The following RPS27A variants were observed in gnomAD, a reference collection of about 807,000 sequenced individuals.
The protein encoded by RPS27A is ribosomal protein S27a, also known as ubiquitin-ribosomal protein eS31 fusion protein.
RPS27A carries 1 observed loss-of-function variant against 18.9 expected under a neutral mutation model. The ratio of observed to expected loss-of-function variants is 0.05; its 90% CI spans 0.02 to 0.25. The LOEUF (loss-of-function observed/expected upper bound fraction) is 0.25, where lower values mean the gene tolerates loss of function less well. Among genes scored for constraint, RPS27A ranks in the 10% least tolerant of loss-of-function variants. The pLI is 1.00. For synonymous variants in RPS27A, 77 were observed against 63.7 expected, an observed-to-expected ratio of 1.21 and a Z score of -0.99; for missense variants, 123 against 187.4, an observed-to-expected ratio of 0.66 and a Z score of 2.01.
chr2:55,235,056 A>T, intron 5 of RPS27A, 94 bp downstream of exon 5: 2 of 1,350,864 alleles, frequency 1.5e-6, no homozygotes, highest in South Asian at 2.5e-5. Context: ...TTGGACTTAA[A>T]CACCCAATAT....
chr2:55,234,297 T>G, intron 4 of RPS27A, 93 bp downstream of exon 4: 2 of 894,180 alleles, frequency 2.2e-6, no homozygotes, highest in Non-Finnish European at 3.7e-6. Flanking sequence ...TCTGACTCTG[T>G]CACCTAGGGT....
At chr2:55,233,129 T>C (rs985828170) in intron 2 of RPS27A, 2 of 637,242 alleles carry the variant, frequency 3.1e-6, no homozygotes, top group African/African-American at 3.6e-5. Context: ...GGAGACGCTC[T>C]GCCCGCCGGG....
At chr2:55,234,771 T>C in intron 4 of RPS27A, 60 bp from the exon 5 acceptor site, 1 of 1,598,178 alleles carries the variant, frequency 6.3e-7, no homozygotes, top group African/African-American at 1.3e-5. Flanking sequence ...AAATGCATAA[T>C]GTTGGGTGTG....
At position 55,235,773 on chromosome 2, in the gene RPS27A, G is replaced by T. The variant is rs924640685; in HGVS notation, c.*196G>T. The T allele has an allele frequency of 1.6e-6, 1 of 628,416 alleles. No individual in the cohort carries two copies. Among genetic ancestry groups the T allele is most frequent in the Non-Finnish European group, 2.8e-6 (1 of 355,586 alleles). 38.9% of individuals were successfully genotyped at this position (628,416 alleles called of 1,614,324 possible). On this transcript the variant is annotated 3_prime_UTR_variant, in exon 6 of 6. Transcript: ENST00000272317. The stretch of plus-strand genomic sequence containing the variant: ...TATACCTGCCAGGTGCCAACCACTT[G>T]TAAAGGTCTTGATATTTTCAATTCT...
chr2:55,232,784 T>C, intron 1 of RPS27A, 24 bp from the exon 2 acceptor site: 1 of 1,590,132 alleles, frequency 6.3e-7, no homozygotes, highest in South Asian at 1.1e-5. Context: ...ACCTAACCTG[T>C]CTCTTCCTTT....
chr2:55,234,292 C>G, intron 4 of RPS27A, 88 bp downstream of exon 4: 1 of 922,220 alleles, frequency 1.1e-6, no homozygotes, highest in Non-Finnish European at 1.8e-6. Context: ...CAGGCTCTGA[C>G]TCTGTCACCT....
At chr2:55,232,969 C>G (rs1315727404) in intron 2 of RPS27A, 97 bp downstream of exon 2, 7 of 1,024,048 alleles carry the variant, frequency 6.8e-6, no homozygotes, top group Non-Finnish European at 1.5e-6. Flanking sequence ...GACCATGATT[C>G]CGAATTTGGG....
At chr2:55,234,770 A>G (rs889088902) in intron 4 of RPS27A, 61 bp from the exon 5 acceptor site, 5 of 1,597,084 alleles carry the variant, frequency 3.1e-6, no homozygotes, top group Non-Finnish European at 4.3e-6. Flanking sequence ...AAAATGCATA[A>G]TGTTGGGTGT....
chr2:55,235,255 T>G lies in RPS27A; in HGVS notation c.322-173T>G. 4.9e-6 allele frequency: 4 copies of G among 809,348 alleles called. No individual in the cohort carries two copies. In the South Asian group the frequency reaches 6.4e-5, roughly 13 times the overall value. 50.1% of individuals were successfully genotyped at this position (809,348 alleles called of 1,614,324 possible). A position where few individuals can be genotyped will look rare whatever the true frequency, so the allele number is the denominator to read the frequency against. ...TTTAGTGTTCAAAAGTCCCAAGACT[T>G]CTGAATGTTTTCATTGTAGCAATGA... On this transcript the variant is annotated intron_variant, in intron 5 of 5. Coordinates refer to ENST00000272317, the MANE Select transcript of RPS27A (RefSeq NM_002954.6).
In RPS27A at chr2:55,232,701, C is replaced by T; in HGVS notation, c.-25C>T. ...GCGGCGTTCTTCCTTTTCGATCCGC[C>T]ATCTGCGGTGGGTGTCTGCACTTCG... On this transcript the variant is annotated 5_prime_UTR_variant, in exon 1 of 6. Coordinates refer to ENST00000272317, the MANE Select transcript of RPS27A (RefSeq NM_002954.6). The T allele has an allele frequency of 3.5e-6, 3 of 866,656 alleles. No homozygotes were observed. Among genetic ancestry groups the T allele is most frequent in the South Asian group, 1.4e-5 (1 of 70,162 alleles). 53.7% of individuals were successfully genotyped at this position (866,656 alleles called of 1,614,324 possible).
chr2:55,233,029 A>T, intron 2 of RPS27A, 157 bp downstream of exon 2: 1 of 735,194 alleles, frequency 1.4e-6, no homozygotes, highest in South Asian at 1.5e-5. Flanking sequence ...GCAACGACCT[A>T]GAGGTGATTT....
At chr2:55,235,318 A>T in intron 5 of RPS27A, 110 bp from the exon 6 acceptor site, 1 of 1,238,460 alleles carries the variant, frequency 8.1e-7, no homozygotes, top group Non-Finnish European at 1.2e-6. Context: ...GTTTGTAAGC[A>T]CCAAAACCAC....
chr2:55,232,746 C>G lies in RPS27A; in HGVS notation c.-18+38C>G, dbSNP rs1052536998. ...ACTTCGGCTGCTCTCGGGTTAGCAC[C>G]CTATGGTGCCTTCTCTTGTGATCCC... On this transcript the variant is annotated intron_variant, in intron 1 of 5. Coordinates refer to ENST00000272317, the MANE Select transcript of RPS27A (RefSeq NM_002954.6). The G allele has an allele frequency of 3.8e-6, 5 of 1,331,388 alleles. No individual in the cohort carries two copies. In the African/African-American group the frequency reaches 5.7e-5, roughly 15 times the overall value. 82.5% of individuals were successfully genotyped at this position (1,331,388 alleles called of 1,614,324 possible).
In RPS27A at chr2:55,232,702, A is replaced by C; in HGVS notation, c.-24A>C. 1.1e-6 allele frequency: 1 copy of C among 880,426 alleles called. No homozygotes were observed. The highest frequency in any genetic ancestry group is 1.9e-6 in the Non-Finnish European group (1 of 535,954). The allele number at this position is 880,426 out of a possible 1,614,324, so 54.5% of individuals were successfully genotyped here. A position where few individuals can be genotyped will look rare whatever the true frequency, so the allele number is the denominator to read the frequency against. ...CGGCGTTCTTCCTTTTCGATCCGCC[A>C]TCTGCGGTGGGTGTCTGCACTTCGG... is the stretch of plus-strand genomic sequence containing the variant. On this transcript the variant is annotated 5_prime_UTR_variant, in exon 1 of 6. Transcript: ENST00000272317.
Position 55,235,622 on chromosome 2 carries a change from T to C in RPS27A, c.*45T>C, listed in dbSNP as rs1287878134. The stretch of plus-strand genomic sequence containing the variant: ...ACATGAACTAACATTTATTGTTGGG[T>C]TTTATTGCAGTAAAAAGAATGGTTT... On this transcript the variant is annotated 3_prime_UTR_variant, in exon 6 of 6. Coordinates refer to ENST00000272317, the MANE Select transcript of RPS27A (RefSeq NM_002954.6). The C allele has an allele frequency of 1.3e-6, 2 of 1,592,184 alleles. No individual in the cohort carries two copies. Among genetic ancestry groups the C allele is most frequent in the Non-Finnish European group, 1.7e-6 (2 of 1,174,650 alleles).
rs905805240 is a variant in RPS27A at position 55,233,099 on chromosome 2, G to A, written c.48+227G>A. On this transcript the variant is annotated intron_variant, in intron 2 of 5. Coordinates refer to ENST00000272317, the MANE Select transcript of RPS27A (RefSeq NM_002954.6). ...GGGGTTCCAGCTAGTTAGTTAAAAC[G>A]GAGGAGCTGCGGTGGGGAAGGAGAC... 27 of 641,746 alleles carry A rather than the reference G, an allele frequency of 4.2e-5. No homozygotes were observed. The African/African-American group carries it at 4.4e-4, about 10-fold the overall frequency. The allele number at this position is 641,746 out of a possible 1,614,324, so 39.8% of individuals were successfully genotyped here. A position where few individuals can be genotyped will look rare whatever the true frequency, so the allele number is the denominator to read the frequency against.
chr2:55,232,637 G>A (rs1454283456), upstream of RPS27A: 22 of 675,190 alleles, frequency 3.3e-5, no homozygotes, highest in Non-Finnish European at 4.1e-5. Context: ...TAAGGGGTGG[G>A]TCCTTCGGCG....
intron 4 of RPS27A, chr2:55,234,498 T>C: frequency 3.6e-6 from 2 of 550,080 alleles, no homozygotes; most frequent in Middle Eastern, 5.0e-4. Flanking sequence ...CTCCATGTGG[T>C]GTATTCTGGA....
chr2:55,234,573 A>C, intron 4 of RPS27A: 2 of 568,684 alleles, frequency 3.5e-6, no homozygotes, highest in East Asian at 3.1e-5. Flanking sequence ...TAACTCCTAT[A>C]CTGATACTTG....
Sources: allele counts gnomAD v4.1 joint callset, GRCh38; gene constraint gnomAD v4.1.1; transcripts MANE v1.5; gene names NCBI Gene and HGNC (gene_info 2026-07-23, HGNC 2026-07-21).